The following POU6F2 variants were observed in gnomAD, a reference collection of about 807,000 sequenced individuals.
The protein encoded by POU6F2 is POU class 6 homeobox 2.
In POU6F2, 31 loss-of-function variants were observed where a neutral mutation model predicts 71.3. That is an observed-to-expected ratio of 0.43 (90% CI 0.33 to 0.59). The LOEUF (loss-of-function observed/expected upper bound fraction) is 0.59, where lower values mean the gene tolerates loss of function less well. Ranked by LOEUF, POU6F2 falls within the 20% of genes least tolerant of loss-of-function variation. The pLI is 0.04. For synonymous variants in POU6F2, 347 were observed against 355.7 expected, an observed-to-expected ratio of 0.98 and a Z score of 0.27; for missense variants, 783 against 856.8, an observed-to-expected ratio of 0.91 and a Z score of 1.07.
chr7:39,277,798 C>T (rs1273314078), intron 4 of POU6F2, among the ~76,000 whole-genome samples: 2 of 152,108 alleles, frequency 1.3e-5, no homozygotes, highest in Non-Finnish European at 2.9e-5. Flanking sequence ...GTGGCTCACA[C>T]CTGTAATCCC....
At chr7:39,251,550 G>A (rs1272662986) in intron 4 of POU6F2, among the ~76,000 whole-genome samples, 2 of 152,110 alleles carry the variant, frequency 1.3e-5, no homozygotes, top group African/African-American at 2.4e-5. Context: ...TTATTTGATG[G>A]CCCCTACCTT....
intron 2 of POU6F2, among the ~76,000 whole-genome samples, chr7:39,188,594 T>C (rs890955942): frequency 2.0e-5 from 3 of 152,212 alleles, no homozygotes; most frequent in Non-Finnish European, 4.4e-5. Flanking sequence ...AGTACAGGCA[T>C]GAGCCACCAT....
chr7:39,224,142 A>C (rs937899491), intron 4 of POU6F2, among the ~76,000 whole-genome samples: 1 of 152,146 alleles, frequency 6.6e-6, no homozygotes, highest in African/African-American at 2.4e-5. Flanking sequence ...AAAAGAAAAG[A>C]ATTGGTGTAC....
chr7:39,219,607 A>G (rs115069309), intron 4 of POU6F2, among the ~76,000 whole-genome samples: 2,153 of 152,304 alleles, frequency 0.014, 54 homozygotes, highest in African/African-American at 0.048. Context: ...ATATTTTATT[A>G]ATATTGTAAG....
In POU6F2 at chr7:39,204,315, G is replaced by T. The variant is rs1180851885; in HGVS notation, c.358G>T (p.Val120Phe). ...QASQTHPPFP[V>F]GPQPLLTAQQ... ...CAGTCAGACCCACCCCCCATTTCCA[G>T]TTGGGCCACAGGTCAGTATCTCTCA... Residue 120 changes from valine to phenylalanine, a missense_variant, in exon 3 of 10, where the codon GTT becomes TTT. By Grantham distance (50) the Val-to-Phe change is conservative. This residue lies in a region of POU6F2 where 572 missense variants were observed against 572.9 expected (regional missense o/e 1.00). Transcript: ENST00000518318. 1 of 1,613,190 alleles carries T rather than the reference G, an allele frequency of 6.2e-7. No individual in the cohort carries two copies. The highest frequency in any genetic ancestry group is 1.3e-5 in the African/African-American group (1 of 74,872).
chr7:39,003,608 G>A (rs891871757), intron 1 of POU6F2, among the ~76,000 whole-genome samples: 2 of 151,356 alleles, frequency 1.3e-5, no homozygotes, highest in Non-Finnish European at 2.9e-5. Context: ...AATTAGCTGG[G>A]CGTGGTGGCA....
At position 39,458,537 on chromosome 7, in the gene POU6F2, C is replaced by T. The variant is rs117697981; in HGVS notation, c.1490-2010C>T. Among the ~76,000 whole-genome samples, 62 of 152,162 alleles carry T rather than the reference C, an allele frequency of 4.1e-4. No homozygotes were observed. In the East Asian group the frequency reaches 0.011, roughly 28 times the overall value. On this transcript the variant is annotated intron_variant, in intron 8 of 9. Transcript: ENST00000518318. ...GAGCTCCCACAATCCTTAGCGAGCC[C>T]GGAAGCAGCTCCAGGCTGATGTGCT...
intron 2 of POU6F2, among the ~76,000 whole-genome samples, chr7:39,184,690 G>C (rs113211457): frequency 6.6e-6 from 1 of 152,170 alleles, no homozygotes; most frequent in East Asian, 1.9e-4. Flanking sequence ...CAAAATATCT[G>C]CACTCTGACT....
chr7:39,227,196 T>C (rs967112020), intron 4 of POU6F2, among the ~76,000 whole-genome samples: 4 of 152,356 alleles, frequency 2.6e-5, no homozygotes, highest in Non-Finnish European at 5.9e-5. Flanking sequence ...TTACTTGTAC[T>C]ATATTTAAAT....
In POU6F2 at chr7:39,464,752, A is replaced by G. The variant is rs1327593335; in HGVS notation, c.*66A>G. On this transcript the variant is annotated 3_prime_UTR_variant, in exon 10 of 10. Transcript: ENST00000518318. This position sits in a 1 kb window ranked among gnomAD's most constrained non-coding sequence, Gnocchi z 4.1. ...CTAAACTCCACCCTTGGGACTCCAC[A>G]ACAACAACAACAACAAAATTTAATT... 6.6e-6 allele frequency: 9 copies of G among 1,373,964 alleles called. No individual in the cohort carries two copies. Among genetic ancestry groups the G allele is most frequent in the South Asian group, 2.9e-5 (2 of 68,364 alleles). The allele number at this position is 1,373,964 out of a possible 1,614,324, so 85.1% of individuals were successfully genotyped here.
intron 3 of POU6F2, among the ~76,000 whole-genome samples, chr7:39,206,301 T>C (rs1275555342): frequency 6.6e-6 from 1 of 152,200 alleles, no homozygotes; most frequent in East Asian, 1.9e-4. Context: ...ATCCTTCCCA[T>C]GTCATCCTGG....
At chr7:39,035,866 G>T (rs1371253881) in intron 1 of POU6F2, among the ~76,000 whole-genome samples, 1 of 152,098 alleles carries the variant, frequency 6.6e-6, no homozygotes, top group Admixed American at 6.6e-5. Flanking sequence ...GTGGCAGAAG[G>T]CCAAGTTCAC....
intron 8 of POU6F2, among the ~76,000 whole-genome samples, chr7:39,456,933 T>C (rs1415739124): frequency 6.6e-6 from 1 of 152,214 alleles, no homozygotes; most frequent in Non-Finnish European, 1.5e-5. Context: ...TCATGGAAGA[T>C]ACTGGGCTCA....
intron 2 of POU6F2, among the ~76,000 whole-genome samples, chr7:39,193,218 CG>C (rs1195981280): frequency 1.3e-5 from 2 of 151,962 alleles, no homozygotes; most frequent in Middle Eastern, 3.4e-3. Flanking sequence ...AAGACGATTG[CG>C]GGGGGTGCTT....
chr7:39,270,276 G>A (rs1202740382), intron 4 of POU6F2, among the ~76,000 whole-genome samples: 1 of 152,226 alleles, frequency 6.6e-6, no homozygotes, highest in African/African-American at 2.4e-5. Flanking sequence ...AGGATGACAT[G>A]AGGGAGCAAA....
intron 1 of POU6F2, among the ~76,000 whole-genome samples, chr7:39,007,203 T>G (rs1186902089): frequency 6.6e-6 from 1 of 152,240 alleles, no homozygotes. Context: ...TAATCTTTTA[T>G]GGAATTTTAT....
intron 1 of POU6F2, among the ~76,000 whole-genome samples, chr7:39,076,409 T>C (rs1256688682): frequency 6.6e-6 from 1 of 152,146 alleles, no homozygotes; most frequent in African/African-American, 2.4e-5. Context: ...CCTAAGTGTT[T>C]TGGAAAAGTA....
intron 2 of POU6F2, among the ~76,000 whole-genome samples, chr7:39,176,409 A>G (rs955494267): frequency 2.0e-5 from 3 of 152,252 alleles, no homozygotes; most frequent in African/African-American, 7.2e-5. Context: ...AATTCTGTAC[A>G]GTGCCTAGAC....
At chr7:39,152,753 AT>A (rs1792788668) in intron 2 of POU6F2, among the ~76,000 whole-genome samples, 1 of 152,156 alleles carries the variant, frequency 6.6e-6, no homozygotes, top group South Asian at 2.1e-4. Context: ...TTTTTCAGCT[AT>A]TTGCTGCAAC....
Sources: gnomAD v4.1 joint callset for allele counts (sites outside exome capture counted in the v4.1 genomes callset) on GRCh38, gnomAD v4.1.1 for gene constraint, gnomAD v4.1.1 regional missense constraint, Gnocchi (gnomAD v3.1) non-coding constraint, MANE v1.5 for transcripts, NCBI Gene and HGNC (gene_info 2026-07-23, HGNC 2026-07-21) for gene names.